Variants in NTM observed in about 807,000 individuals in gnomAD.
NTM encodes the protein IgLON family member 2.
In NTM, 13 loss-of-function variants were observed where a neutral mutation model predicts 42.1. The observed-to-expected ratio is 0.31, with a 90% CI of 0.20 to 0.49. The LOEUF is 0.49. Among genes scored for constraint, NTM ranks in the 20% least tolerant of loss-of-function variants. The pLI, the probability that NTM is intolerant of heterozygous loss-of-function variation, is 0.99. For synonymous variants in NTM, 187 were observed against 179.2 expected (o/e 1.04, Z -0.35); for missense variants, 373 against 452.8 (o/e 0.82, Z 1.60).
At chr11:131,410,516 C>A (rs944609818) in intron 1 of NTM, among the ~76,000 whole-genome samples, 1 of 33,376 alleles carries the variant, frequency 3.0e-5, no homozygotes, top group African/African-American at 9.2e-5. Flanking sequence ...CAAACAATAA[C>A]CAAAAAAAAA....
chr11:131,944,428 G>A (rs2060137353), intron 2 of NTM, among the ~76,000 whole-genome samples: 1 of 152,186 alleles, frequency 6.6e-6, no homozygotes, highest in African/African-American at 2.4e-5. Context: ...AAAACATAGG[G>A]AACACAAGCA....
intron 1 of NTM, among the ~76,000 whole-genome samples, chr11:131,440,558 C>T (rs184269195): frequency 2.3e-4 from 35 of 152,166 alleles, no homozygotes; most frequent in African/African-American, 8.4e-4. Context: ...GTCCCTGCCC[C>T]TTCACACTTT....
chr11:131,748,140 A>G (rs2082048131), intron 1 of NTM, among the ~76,000 whole-genome samples: 1 of 152,248 alleles, frequency 6.6e-6, no homozygotes, highest in African/African-American at 2.4e-5. Flanking sequence ...GCTTGGTCAT[A>G]TAGTCACTCA....
chr11:131,635,957 T>A (rs1462176324), intron 1 of NTM, among the ~76,000 whole-genome samples: 2 of 152,242 alleles, frequency 1.3e-5, no homozygotes, highest in Non-Finnish European at 2.9e-5. Context: ...TACCGTCACA[T>A]GCTGCACAGG....
chr11:131,732,643 C>T (rs2079841931), intron 1 of NTM, among the ~76,000 whole-genome samples: 1 of 152,212 alleles, frequency 6.6e-6, no homozygotes, highest in African/African-American at 2.4e-5. Context: ...TAGTGTACTA[C>T]TGTTGGATGC....
chr11:131,587,298 A>G (rs941045439), intron 1 of NTM, among the ~76,000 whole-genome samples: 1 of 152,150 alleles, frequency 6.6e-6, no homozygotes, highest in African/African-American at 2.4e-5. Flanking sequence ...AATACAAAAC[A>G]TTAGCCAGGC....
At chr11:131,967,899 G>A (rs1430975357) in intron 2 of NTM, among the ~76,000 whole-genome samples, 1 of 152,170 alleles carries the variant, frequency 6.6e-6, no homozygotes, top group Non-Finnish European at 1.5e-5. Context: ...ATCTGAGAGG[G>A]AATTTTTGAG....
intron 1 of NTM, among the ~76,000 whole-genome samples, chr11:131,558,274 T>C (rs79864852): frequency 6.6e-6 from 1 of 152,108 alleles, no homozygotes; most frequent in Non-Finnish European, 1.5e-5. Context: ...CTGGACACTC[T>C]GCACAGCCCT....
intron 4 of NTM, among the ~76,000 whole-genome samples, chr11:132,257,103 A>C (rs1013912627): frequency 3.9e-5 from 6 of 152,182 alleles, no homozygotes; most frequent in Non-Finnish European, 7.4e-5. Flanking sequence ...TCTGGCACCC[A>C]GGGGGAAAAT....
intron 4 of NTM, among the ~76,000 whole-genome samples, chr11:132,269,483 T>C (rs949602102): frequency 1.3e-5 from 2 of 152,192 alleles, no homozygotes; most frequent in African/African-American, 4.8e-5. Context: ...AAAATACTCA[T>C]CAATAACAAT....
At chr11:132,036,335 T>G (rs1194265428) in intron 2 of NTM, among the ~76,000 whole-genome samples, 1 of 152,134 alleles carries the variant, frequency 6.6e-6, no homozygotes, top group Non-Finnish European at 1.5e-5. Flanking sequence ...GAGACAATAT[T>G]GTACTTGGCA....
intron 1 of NTM, among the ~76,000 whole-genome samples, chr11:131,635,335 C>T (rs1052025821): frequency 6.6e-6 from 1 of 152,052 alleles, no homozygotes; most frequent in Non-Finnish European, 1.5e-5. Flanking sequence ...TGGGATGAGA[C>T]GTGGAGGAGG....
intron 2 of NTM, among the ~76,000 whole-genome samples, chr11:131,943,005 CAG>C (rs2059975802): frequency 6.6e-6 from 1 of 151,634 alleles, no homozygotes. Flanking sequence ...GCATTCCTGG[CAG>C]AGAGACTAAA....
At chr11:132,199,605 G>A (rs917134624) in intron 3 of NTM, among the ~76,000 whole-genome samples, 4 of 152,148 alleles carry the variant, frequency 2.6e-5, no homozygotes, top group Non-Finnish European at 5.9e-5. Context: ...ATACCGGGGA[G>A]TAGATGGCCT....
intron 1 of NTM, among the ~76,000 whole-genome samples, chr11:131,883,286 A>G (rs1225215386): frequency 6.6e-6 from 1 of 152,236 alleles, no homozygotes; most frequent in African/African-American, 2.4e-5. Context: ...CGCTATCTCC[A>G]GTCTCCTTCC....
At chr11:131,900,655 G>A (rs1170297912) in intron 1 of NTM, among the ~76,000 whole-genome samples, 2 of 151,728 alleles carry the variant, frequency 1.3e-5, no homozygotes, top group Admixed American at 1.3e-4. Context: ...GAGAAAGAGG[G>A]AGAGAGAGAG....
At position 132,330,164 on chromosome 11, in the gene NTM, A is replaced by G. The variant is rs1360597301; in HGVS notation, c.946A>G (p.Thr316Ala). 5.2e-6 allele frequency: 8 copies of G among 1,551,618 alleles called. No individual in the cohort carries two copies. The highest frequency in any genetic ancestry group is 1.4e-5 in the African/African-American group (1 of 73,062). Residue 316 changes from threonine (T) to alanine (A), a missense_variant, in exon 8 of 9, where the codon ACA (threonine) becomes GCA (alanine). This residue lies in a region of NTM where 312 missense variants were observed against 353.5 expected (regional missense o/e 0.88). Coordinates refer to ENST00000683400, the MANE Select transcript of NTM (RefSeq NM_001352005.2). The stretch of plus-strand genomic sequence containing the variant: ...TTAATTTCTTTTAGAAGTGAAAACT[A>G]CAGCCCTGACCCCTTGGAAAGGTTT... ...ASIMLFEVKT[T>A]ALTPWKGPGA... is the part of the protein sequence containing the mutation.
At chr11:132,277,461 C>T (rs1248125903) in intron 4 of NTM, among the ~76,000 whole-genome samples, 1 of 152,116 alleles carries the variant, frequency 6.6e-6, no homozygotes, top group East Asian at 1.9e-4. Flanking sequence ...GTCTAAAAAC[C>T]TACTTGATAC....
intron 2 of NTM, among the ~76,000 whole-genome samples, chr11:131,939,881 A>T (rs771835277): frequency 3.9e-5 from 6 of 152,180 alleles, no homozygotes; most frequent in Non-Finnish European, 7.4e-5. Context: ...AAATTGGAGT[A>T]GGAGGGATAT....
Sources: gnomAD v4.1 joint callset for allele counts (sites outside exome capture counted in the v4.1 genomes callset) on GRCh38, gnomAD v4.1.1 for gene constraint, gnomAD v4.1.1 regional missense constraint, MANE v1.5 for transcripts, NCBI Gene and HGNC (gene_info 2026-07-23, HGNC 2026-07-21) for gene names.